The following IHO1 variants were observed in gnomAD, a reference collection of about 807,000 sequenced individuals.
IHO1 encodes the protein interactor of HORMAD1 protein 1.
In IHO1, 13 loss-of-function variants were observed where a neutral mutation model predicts 31.0. The ratio of observed to expected loss-of-function variants is 0.42; its 90% CI spans 0.27 to 0.67. IHO1 has a LOEUF of 0.67. Among genes scored for constraint, IHO1 ranks in the 30% least tolerant of loss-of-function variants. The pLI is 0.24. For missense variants in IHO1, 599 were observed against 687.5 expected (o/e 0.87, Z 1.44); for synonymous variants, 221 against 248.4 (o/e 0.89, Z 1.04).
At chr3:49,207,950 T>G (rs977686148) in intron 1 of IHO1, among the ~76,000 whole-genome samples, 1 of 152,046 alleles carries the variant, frequency 6.6e-6, no homozygotes, top group Non-Finnish European at 1.5e-5. Flanking sequence ...ATTTTTGTAT[T>G]TTTAGTAGAG....
rs2046627864 is a variant in IHO1 at position 49,241,295 on chromosome 3, G to C, written c.301G>C (p.Gly101Arg). 1 of 1,613,560 alleles carries C rather than the reference G, an allele frequency of 6.2e-7. No individual in the cohort carries two copies. The highest frequency in any genetic ancestry group is 1.3e-5 in the African/African-American group (1 of 74,848). ...GTTCGGAGGAGATATAAAAGATGGA[G>C]GTTTATTTCCTCCTCCTTTGTCAGT... ...QLFGGDIKDG[G>R]LFPPPLSVGK... Residue 101 changes from glycine (G) to arginine (R), a missense_variant, in exon 4 of 8, where the codon GGT becomes CGT. By Grantham distance (125) the Gly-to-Arg change is moderately radical. Coordinates refer to ENST00000452691, the MANE Select transcript of IHO1 (RefSeq NM_001135197.2).
At position 49,225,426 on chromosome 3, in the gene IHO1, G is replaced by A. The variant is rs183304116; in HGVS notation, c.57-11122G>A. On this transcript the variant is annotated intron_variant, in intron 2 of 7. Transcript: ENST00000452691. The stretch of plus-strand genomic sequence containing the variant: ...TGCAGTGAGCAGAGATTGCGCCATC[G>A]CATCCCAGCCTGGGTGACAGAGTGA... Among the ~76,000 whole-genome samples the A allele has an allele frequency of 2.9e-3, 447 of 152,024 alleles. 6 individuals are homozygous for A. The highest frequency in any genetic ancestry group is 0.01 in the African/African-American group (423 of 41,448).
chr3:49,196,944 A>G (rs1243024750), upstream of IHO1, among the ~76,000 whole-genome samples: 3 of 146,052 alleles, frequency 2.1e-5, no homozygotes, highest in Non-Finnish European at 3.0e-5. Context: ...TGCTGGGATT[A>G]CAGGAGTGAG....
chr3:49,197,718 T>C (rs2046007880), upstream of IHO1, among the ~76,000 whole-genome samples: 1 of 151,686 alleles, frequency 6.6e-6, no homozygotes, highest in East Asian at 2.0e-4. Flanking sequence ...CTACTAAAAA[T>C]ACAAAATTAA....
chr3:49,247,523 C>T (rs1018599253), intron 6 of IHO1, among the ~76,000 whole-genome samples: 3 of 151,324 alleles, frequency 2.0e-5, no homozygotes, highest in Non-Finnish European at 4.4e-5. Flanking sequence ...TGAGACACCA[C>T]GCCCAGCCTA....
chr3:49,244,589 A>G lies in IHO1; in HGVS notation c.445-57A>G. 6.1e-6 allele frequency: 9 copies of G among 1,482,436 alleles called. No homozygotes were observed. The South Asian group carries it at 8.0e-5, about 13-fold the overall frequency. 91.8% of individuals were successfully genotyped at this position (1,482,436 alleles called of 1,614,324 possible). ...ATTTATCATGAAATGACAATTCTCT[A>G]AGATAGTAGAATAAGGCAATAGCCT... On this transcript the variant is annotated intron_variant, in intron 5 of 7. Transcript: ENST00000452691.
intron 2 of IHO1, among the ~76,000 whole-genome samples, chr3:49,224,626 G>GT (rs1293038302): frequency 2.0e-5 from 3 of 152,192 alleles, no homozygotes; most frequent in African/African-American, 7.2e-5. Flanking sequence ...GGGGGAAGAG[G>GT]CTTACTTTCA....
intron 6 of IHO1, among the ~76,000 whole-genome samples, chr3:49,247,833 A>G (rs1363129702): frequency 2.0e-5 from 3 of 150,538 alleles, no homozygotes; most frequent in Admixed American, 6.6e-5. Flanking sequence ...AAAAAAAAAA[A>G]TAGATTCAAG....
At chr3:49,195,291 A>C (rs956009075), upstream of IHO1, among the ~76,000 whole-genome samples, 2 of 151,570 alleles carry the variant, frequency 1.3e-5, no homozygotes, top group Non-Finnish European at 2.9e-5. Flanking sequence ...GCGTGGTGAC[A>C]TGCGTCTGTA....
upstream of IHO1, among the ~76,000 whole-genome samples, chr3:49,194,471 T>C (rs1251220932): frequency 6.9e-6 from 1 of 145,940 alleles, no homozygotes; most frequent in Admixed American, 6.8e-5. Context: ...GCCTGGCTAA[T>C]TTTTTTTATT....
chr3:49,197,963 T>C (rs2046011442), upstream of IHO1, among the ~76,000 whole-genome samples: 1 of 152,210 alleles, frequency 6.6e-6, no homozygotes, highest in Admixed American at 6.5e-5. Context: ...TCTTTCCTTA[T>C]GGCACTCATT....
At chr3:49,234,551 C>A (rs1400901595) in intron 2 of IHO1, among the ~76,000 whole-genome samples, 1 of 152,098 alleles carries the variant, frequency 6.6e-6, no homozygotes, top group Non-Finnish European at 1.5e-5. Context: ...ATCTAACCCT[C>A]ATTACCTCCT....
At chr3:49,193,631 C>T (rs1401664214), upstream of IHO1, among the ~76,000 whole-genome samples, 1 of 134,238 alleles carries the variant, frequency 7.4e-6, no homozygotes, top group Non-Finnish European at 1.5e-5. Context: ...TGCACTCCAG[C>T]CTGGCGACAA....
At chr3:49,218,861 C>T (rs891438448) in intron 2 of IHO1, among the ~76,000 whole-genome samples, 3 of 151,992 alleles carry the variant, frequency 2.0e-5, no homozygotes, top group African/African-American at 7.3e-5. Flanking sequence ...ATGACAAAAC[C>T]CTGTCTCTAC....
rs574570885 is a variant in IHO1, at chr3:49,204,095, A to C, written c.-16+4522A>C. Among the ~76,000 whole-genome samples the C allele has an allele frequency of 4.2e-4, 64 of 152,122 alleles. 1 individual carries two copies. In the Middle Eastern group the frequency reaches 0.01, roughly 24 times the overall value. On this transcript the variant is annotated intron_variant, in intron 1 of 7. Transcript: ENST00000452691. Reference sequence around the variant, plus strand: ...CTGGAGCTCACTTTTATAACAACCCACTCTAGTGATAATGAACTCACTTCT... The same window carrying C: ...CTGGAGCTCACTTTTATAACAACCCCCTCTAGTGATAATGAACTCACTTCT...
At chr3:49,244,769 A>G in intron 6 of IHO1, 36 bp downstream of exon 6, 1 of 1,539,680 alleles carries the variant, frequency 6.5e-7, no homozygotes, top group Non-Finnish European at 9.0e-7. Context: ...AGCAGAGGGC[A>G]CTGGTGAATG....
intron 6 of IHO1, among the ~76,000 whole-genome samples, chr3:49,247,135 T>C (rs564966322): frequency 1.9e-4 from 28 of 150,676 alleles, no homozygotes; most frequent in African/African-American, 5.8e-4. Context: ...AGGCGTGAGC[T>C]ACCGCGCCTG....
intron 2 of IHO1, among the ~76,000 whole-genome samples, chr3:49,234,307 G>T (rs1315463993): frequency 6.6e-6 from 1 of 151,544 alleles, no homozygotes; most frequent in African/African-American, 2.4e-5. Flanking sequence ...TGATTAGGTG[G>T]GACTGTACAG....
intron 6 of IHO1, among the ~76,000 whole-genome samples, 174 bp from the exon 7 acceptor site, chr3:49,255,216 T>C (rs2046808579): frequency 6.6e-6 from 1 of 152,108 alleles, no homozygotes; most frequent in Non-Finnish European, 1.5e-5. Flanking sequence ...GGTGCTGAGG[T>C]TGGGTCTGCC....
Sources: allele counts gnomAD v4.1 joint callset (sites outside exome capture counted in the v4.1 genomes callset), GRCh38; gene constraint gnomAD v4.1.1; transcripts MANE v1.5; gene names NCBI Gene and HGNC (gene_info 2026-07-23, HGNC 2026-07-21).